Variants in PCED1B observed in about 807,000 individuals in gnomAD.
PCED1B encodes PC-esterase domain-containing protein 1B.
For missense variants in PCED1B, 573 were observed against 573.9 expected (o/e 1.00, Z 0.02); for synonymous variants, 251 against 246.1 (o/e 1.02, Z -0.19).
intron 2 of PCED1B, among the ~76,000 whole-genome samples, chr12:47,165,279 T>G (rs960699076): frequency 1.3e-5 from 2 of 152,190 alleles, no homozygotes; most frequent in African/African-American, 4.8e-5. Flanking sequence ...CATTTCCCTA[T>G]AGCAAATTAT....
intron 2 of PCED1B, among the ~76,000 whole-genome samples, chr12:47,170,407 A>G (rs1012529608): frequency 2.0e-5 from 3 of 152,120 alleles, no homozygotes; most frequent in Non-Finnish European, 4.4e-5. Context: ...GCTGTTGGGT[A>G]CACCTCCCAG....
intron 2 of PCED1B, among the ~76,000 whole-genome samples, chr12:47,115,578 C>A (rs1396146398): frequency 1.3e-5 from 2 of 152,098 alleles, no homozygotes; most frequent in African/African-American, 2.4e-5. Context: ...TCATCTTTTT[C>A]TTCTTCCCCT....
intron 2 of PCED1B, among the ~76,000 whole-genome samples, chr12:47,105,863 T>C (rs1293294122): frequency 6.6e-6 from 1 of 152,212 alleles, no homozygotes; most frequent in African/African-American, 2.4e-5. Flanking sequence ...ACAGGCGAAT[T>C]GACACGTATT....
chr12:47,089,481 T>C lies in PCED1B; in HGVS notation c.-609+9756T>C, dbSNP rs1430768669. On this transcript the variant is annotated intron_variant, in intron 1 of 3. Coordinates refer to ENST00000546455, the MANE Select transcript of PCED1B (RefSeq NM_138371.3). ...AAATACATATATATATATATATATA[T>C]ATATATATATATGTATATACCAAAA... Among the ~76,000 whole-genome samples, 16 of 92,652 alleles carry C rather than the reference T, an allele frequency of 1.7e-4. 1 individual carries two copies. In the Middle Eastern group the frequency reaches 0.019, roughly 111 times the overall value. The allele number at this position is 92,652 out of a possible 152,430, so 60.8% of individuals were successfully genotyped here. A position where few individuals can be genotyped will look rare whatever the true frequency, so the allele number is the denominator to read the frequency against.
intron 2 of PCED1B, among the ~76,000 whole-genome samples, chr12:47,197,970 G>A (rs1374234704): frequency 6.6e-6 from 1 of 152,178 alleles, no homozygotes; most frequent in Non-Finnish European, 1.5e-5. Flanking sequence ...AACATTTAAG[G>A]AAGAAGTGAT....
At chr12:47,146,563 A>C (rs1940792059) in intron 2 of PCED1B, among the ~76,000 whole-genome samples, 1 of 152,202 alleles carries the variant, frequency 6.6e-6, no homozygotes, top group African/African-American at 2.4e-5. Flanking sequence ...TTCAACAACT[A>C]CCACCCTGAT....
chr12:47,214,500 G>T (rs1290161000), intron 2 of PCED1B, among the ~76,000 whole-genome samples: 1 of 151,956 alleles, frequency 6.6e-6, no homozygotes, highest in Non-Finnish European at 1.5e-5. Flanking sequence ...ACATAAAACA[G>T]ATTAACAGGA....
chr12:47,170,325 T>C (rs1444405987), intron 2 of PCED1B, among the ~76,000 whole-genome samples: 1 of 152,200 alleles, frequency 6.6e-6, no homozygotes, highest in African/African-American at 2.4e-5. Flanking sequence ...CAATCTGATC[T>C]CTCTTTTCCC....
chr12:47,131,227 A>T (rs1271323368), intron 2 of PCED1B, among the ~76,000 whole-genome samples: 4 of 152,166 alleles, frequency 2.6e-5, no homozygotes, highest in Non-Finnish European at 5.9e-5. Flanking sequence ...AAATAAAACT[A>T]TCTGAAACTC....
intron 2 of PCED1B, among the ~76,000 whole-genome samples, chr12:47,184,895 A>C (rs1942207035): frequency 6.6e-6 from 1 of 152,218 alleles, no homozygotes; most frequent in Non-Finnish European, 1.5e-5. Flanking sequence ...AGGTGAAAGA[A>C]ACCTGGCAGA....
chr12:47,100,312 G>C (rs1408285331), intron 1 of PCED1B, among the ~76,000 whole-genome samples: 2 of 152,264 alleles, frequency 1.3e-5, no homozygotes, highest in African/African-American at 2.4e-5. Context: ...TGGTACAATT[G>C]TAGGATTTAT....
At position 47,187,772 on chromosome 12, in the gene PCED1B, G is replaced by T. The variant is rs1442507955; in HGVS notation, c.-525-28450G>T. On this transcript the variant is annotated intron_variant, in intron 2 of 3. Transcript: ENST00000546455. The stretch of plus-strand genomic sequence containing the variant: ...TTTGGGAACTATAGCTTCATCATAA[G>T]GCAGCCAAGTCTTGTGATATATGGG... The T allele has an allele frequency of 1.9e-5, 3 of 154,058 alleles. No homozygotes were observed. The South Asian group carries it at 6.1e-4, about 31-fold the overall frequency. 9.5% of individuals were successfully genotyped at this position (154,058 alleles called of 1,614,324 possible). A position where few individuals can be genotyped will look rare whatever the true frequency, so the allele number is the denominator to read the frequency against.
chr12:47,102,381 T>TTTG (rs1938746075), intron 1 of PCED1B, among the ~76,000 whole-genome samples: 1 of 152,230 alleles, frequency 6.6e-6, no homozygotes, highest in Non-Finnish European at 1.5e-5. Flanking sequence ...TGTAATAATA[T>TTTG]CAATAATTGC....
chr12:47,096,717 TA>T (rs1288919614), intron 1 of PCED1B, among the ~76,000 whole-genome samples: 2 of 152,194 alleles, frequency 1.3e-5, no homozygotes, highest in Admixed American at 6.5e-5. Context: ...ATATTACAGA[TA>T]TTACTTGCTT....
chr12:47,093,153 T>A (rs7978449), intron 1 of PCED1B, among the ~76,000 whole-genome samples: 8,615 of 151,126 alleles, frequency 0.057, 729 homozygotes, highest in African/African-American at 0.18. Flanking sequence ...GGCTTAATTT[T>A]AAAAAAAAAT....
chr12:47,116,333 T>G (rs1939418596), intron 2 of PCED1B, among the ~76,000 whole-genome samples: 2 of 152,200 alleles, frequency 1.3e-5, no homozygotes. Flanking sequence ...ACTGAATTAT[T>G]TCTAGTCTGC....
chr12:47,208,005 C>T (rs1256600415), intron 2 of PCED1B, among the ~76,000 whole-genome samples: 1 of 152,070 alleles, frequency 6.6e-6, no homozygotes, highest in Admixed American at 6.6e-5. Flanking sequence ...GCTAACACAG[C>T]TCTCTGAACA....
chr12:47,218,669 CT>C (rs59140565), intron 3 of PCED1B, among the ~76,000 whole-genome samples: 42,749 of 128,250 alleles, frequency 0.33, 7,245 homozygotes, highest in African/African-American at 0.46. Context: ...AATTTTTTTT[CT>C]TTTTTTTTTT....
chr12:47,171,810 T>C (rs74712279), intron 2 of PCED1B, among the ~76,000 whole-genome samples: 2,465 of 151,920 alleles, frequency 0.016, 60 homozygotes, highest in African/African-American at 0.053. Flanking sequence ...TCTTCTTCTT[T>C]TTTTCTTCCT....
Sources: gnomAD v4.1 joint callset for allele counts (sites outside exome capture counted in the v4.1 genomes callset) on GRCh38, gnomAD v4.1.1 for gene constraint, MANE v1.5 for transcripts, NCBI Gene and HGNC (gene_info 2026-07-23, HGNC 2026-07-21) for gene names.